FSTL4: variants seen among roughly 807,000 people sequenced by gnomAD.
FSTL4 encodes follistatin-related protein 4.
In FSTL4, 28 loss-of-function variants were observed where a neutral mutation model predicts 78.2. The ratio of observed to expected loss-of-function variants is 0.36; its 90% confidence interval spans 0.27 to 0.49. The LOEUF is 0.49. Among genes scored for constraint, FSTL4 ranks in the 20% least tolerant of loss-of-function variants. FSTL4 has a pLI of 0.98. For missense variants in FSTL4, 922 were observed against 1,084.9 expected (o/e 0.85, Z 2.11); for synonymous variants, 422 against 440.5 (o/e 0.96, Z 0.53).
intron 2 of FSTL4, among the ~76,000 whole-genome samples, chr5:133,576,450 G>C (rs1422341542): frequency 6.6e-6 from 1 of 152,260 alleles, no homozygotes; most frequent in Non-Finnish European, 1.5e-5. Context: ...ACACTGAGAA[G>C]AGAATGCAAC....
Position 133,526,764 on chromosome 5 carries a change from T to C in FSTL4, c.160+40422A>G, listed in dbSNP as rs546074547. The stretch of plus-strand genomic sequence containing the variant: ...ACCACATGGGAGTAGCAGGAGGAGA[T>C]GGGATGAATGCGAAACAGGAGAAGG... On this transcript the variant is annotated intron_variant, in intron 3 of 15. Coordinates refer to ENST00000265342, the MANE Select transcript of FSTL4 (RefSeq NM_015082.2). 6.6e-5 allele frequency among the ~76,000 whole-genome samples: 10 copies of C among 152,020 alleles called. No individual in the cohort carries two copies. The South Asian group carries it at 1.5e-3, about 22-fold the overall frequency.
Position 133,321,600 on chromosome 5 carries a change from C to A in FSTL4, c.410-4948G>T, listed in dbSNP as rs1360485699. On this transcript the variant is annotated intron_variant, in intron 4 of 15. Transcript: ENST00000265342. ...GTGGCTCACGCCTATAATCCTAGCA[C>A]TTTGGGAGGCCGAGGCAGGTGGATT... Among the ~76,000 whole-genome samples, 4 of 152,184 alleles carry A rather than the reference C, an allele frequency of 2.6e-5. No homozygotes were observed. In the East Asian group the frequency reaches 7.7e-4, roughly 29 times the overall value.
At chr5:133,781,101 G>A in the FSTL4 span, among the ~76,000 whole-genome samples, 4 of 152,104 alleles carry the variant, frequency 2.6e-5, no homozygotes, top group Admixed American at 1.3e-4. Context: ...GCATGCTCTT[G>A]GCCCTCTGCA....
chr5:133,239,603 G>A (rs753983415), intron 7 of FSTL4, among the ~76,000 whole-genome samples: 1 of 152,096 alleles, frequency 6.6e-6, no homozygotes, highest in Non-Finnish European at 1.5e-5. Context: ...TGGGGACTTG[G>A]AGAACCTTTA....
At chr5:133,701,511 C>CACA in the FSTL4 span, among the ~76,000 whole-genome samples, 32 of 63,562 alleles carry the variant, frequency 5.0e-4, no homozygotes, top group East Asian at 0.02. Context: ...ACACACACAC[C>CACA]CCACAGGCCA....
chr5:133,758,830 A>C, the FSTL4 span, among the ~76,000 whole-genome samples: 13 of 152,208 alleles, frequency 8.5e-5, no homozygotes. Flanking sequence ...ACACCACCAG[A>C]GCAGTCATCT....
chr5:133,507,500 T>C (rs1296700805), intron 3 of FSTL4, among the ~76,000 whole-genome samples: 2 of 151,616 alleles, frequency 1.3e-5, no homozygotes, highest in African/African-American at 4.9e-5. Flanking sequence ...ATCTACAGAT[T>C]CAAACAACGG....
chr5:133,653,020 G>T, the FSTL4 span, among the ~76,000 whole-genome samples: 1 of 152,078 alleles, frequency 6.6e-6, no homozygotes, highest in Non-Finnish European at 1.5e-5. Flanking sequence ...ATATAGAAGT[G>T]CTCATTCCTT....
intron 6 of FSTL4, among the ~76,000 whole-genome samples, chr5:133,307,131 G>A (rs968080320): frequency 6.6e-6 from 1 of 152,172 alleles, no homozygotes; most frequent in Non-Finnish European, 1.5e-5. Flanking sequence ...TTAGTCAGTC[G>A]CAGAATAAAG....
intron 3 of FSTL4, among the ~76,000 whole-genome samples, chr5:133,474,328 C>T (rs1330462167): frequency 8.3e-6 from 1 of 121,158 alleles, no homozygotes; most frequent in Non-Finnish European, 1.7e-5. Context: ...GGGCCAGGCT[C>T]TTGCTGAGAA....
the FSTL4 span, among the ~76,000 whole-genome samples, chr5:133,708,395 C>T: frequency 0.024 from 3,666 of 152,204 alleles, 149 homozygotes; most frequent in African/African-American, 0.084. Flanking sequence ...GTTGAGGCTG[C>T]TATACTAGGG....
At chr5:133,445,703 C>T (rs922713096) in intron 3 of FSTL4, among the ~76,000 whole-genome samples, 1 of 152,194 alleles carries the variant, frequency 6.6e-6, no homozygotes, top group African/African-American at 2.4e-5. Flanking sequence ...GGCTTTCTTC[C>T]CCAAAACGTG....
At chr5:133,287,797 C>G (rs1300960257) in intron 6 of FSTL4, among the ~76,000 whole-genome samples, 2 of 152,234 alleles carry the variant, frequency 1.3e-5, no homozygotes, top group African/African-American at 4.8e-5. Context: ...TCCCACTGTT[C>G]TTCCTGCCCT....
intron 12 of FSTL4, among the ~76,000 whole-genome samples, chr5:133,218,417 G>T (rs1455179224): frequency 6.6e-6 from 1 of 152,086 alleles, no homozygotes; most frequent in Non-Finnish European, 1.5e-5. Flanking sequence ...TTGACCCAGC[G>T]GCCACAGGGA....
At chr5:133,513,109 C>T (rs1758769971) in intron 3 of FSTL4, among the ~76,000 whole-genome samples, 1 of 152,224 alleles carries the variant, frequency 6.6e-6, no homozygotes, top group Non-Finnish European at 1.5e-5. Context: ...GCATGAGCCA[C>T]TGTGCCCGGC....
intron 3 of FSTL4, among the ~76,000 whole-genome samples, chr5:133,481,787 A>G (rs1362075906): frequency 6.6e-6 from 1 of 152,190 alleles, no homozygotes; most frequent in African/African-American, 2.4e-5. Context: ...GAATTGACCA[A>G]TTGACCTGTC....
chr5:133,578,569 A>G (rs376437159), intron 2 of FSTL4, among the ~76,000 whole-genome samples: 5 of 152,390 alleles, frequency 3.3e-5, no homozygotes, highest in African/African-American at 1.2e-4. Flanking sequence ...GACACTAGAC[A>G]GAAAAGAAAG....
chr5:133,798,764 C>T, the FSTL4 span, among the ~76,000 whole-genome samples: 2 of 152,098 alleles, frequency 1.3e-5, no homozygotes, highest in Non-Finnish European at 2.9e-5. Flanking sequence ...TCCTACAGCC[C>T]TGTACTCCCC....
chr5:133,498,870 C>G (rs998272161), intron 3 of FSTL4, among the ~76,000 whole-genome samples: 1 of 152,088 alleles, frequency 6.6e-6, no homozygotes, highest in African/African-American at 2.4e-5. Flanking sequence ...GGCCTGTCTT[C>G]TGTGAGGTCT....
Sources: allele counts gnomAD v4.1 joint callset (sites outside exome capture counted in the v4.1 genomes callset), GRCh38; gene constraint gnomAD v4.1.1; transcripts MANE v1.5; gene names NCBI Gene and HGNC (gene_info 2026-07-23, HGNC 2026-07-21).